SART1: variants seen among roughly 807,000 people sequenced by gnomAD.
SART1 encodes spliceosome associated factor 1, recruiter of U4/U6.U5 tri-snRNP.
A neutral mutation model predicts 105.0 loss-of-function variants in SART1; 28 were observed. The observed-to-expected ratio is 0.27, with a 90% CI of 0.20 to 0.37. SART1 has a LOEUF of 0.37. SART1 is among the 10% of genes least tolerant of loss of function. The pLI, the probability that SART1 is intolerant of heterozygous loss-of-function variation, is 1.00. For synonymous variants in SART1, 472 were observed against 462.9 expected, an observed-to-expected ratio of 1.02 and a Z score of -0.25; for missense variants, 894 against 1,106.5, an observed-to-expected ratio of 0.81 and a Z score of 2.72.
At chr11:65,973,315 A>G (rs1029936376) in intron 12 of SART1, among the ~76,000 whole-genome samples, 8 of 152,128 alleles carry the variant, frequency 5.3e-5, no homozygotes, top group African/African-American at 1.4e-4. Flanking sequence ...TCAAGAGTAT[A>G]CAAACAGACA....
rs1169321225 is a variant in SART1 at position 65,966,238 on chromosome 11, G to A, written c.981+20G>A. 1 of 1,613,920 alleles carries A rather than the reference G, an allele frequency of 6.2e-7. No individual in the cohort carries two copies. Among genetic ancestry groups the A allele is most frequent in the East Asian group, 2.2e-5 (1 of 44,878 alleles). ...GCGCAGGCACGGCCTGGGCAGGCTG[G>A]GTGGCGGGGGCTGAGGTGGAGAATG... On this transcript the variant is annotated intron_variant, in intron 8 of 19. Transcript: ENST00000312397.
chr11:65,966,041 A>G (rs1156615915), intron 7 of SART1, 35 bp from the exon 8 acceptor site: 4 of 1,613,866 alleles, frequency 2.5e-6, no homozygotes, highest in Non-Finnish European at 3.4e-6. Flanking sequence ...AGTTGCGGAC[A>G]AGTGTGAATG....
intron 12 of SART1, among the ~76,000 whole-genome samples, 187 bp downstream of exon 12, chr11:65,968,008 G>C (rs1252351772): frequency 6.7e-6 from 1 of 150,204 alleles, no homozygotes; most frequent in Admixed American, 6.6e-5. Context: ...GGAATGCAGT[G>C]GCGCAGCCTC....
intron 12 of SART1, among the ~76,000 whole-genome samples, chr11:65,969,131 A>T (rs1855319386): frequency 6.6e-6 from 1 of 152,104 alleles, no homozygotes; most frequent in Non-Finnish European, 1.5e-5. Context: ...TGAACCCGGG[A>T]CGGAGGCCAG....
chr11:65,967,409 G>A (rs779737046), intron 10 of SART1, 26 bp downstream of exon 10: 19 of 1,613,782 alleles, frequency 1.2e-5, no homozygotes, highest in Admixed American at 3.3e-5. Flanking sequence ...GTGGTGGGGC[G>A]AGATGGCTGG....
At chr11:65,969,043 A>T (rs994107539) in intron 12 of SART1, among the ~76,000 whole-genome samples, 3 of 152,158 alleles carry the variant, frequency 2.0e-5, no homozygotes, top group African/African-American at 7.2e-5. Context: ...GAAGCTTCTG[A>T]TACTACTGGG....
chr11:65,966,973 C>T (rs186949347), intron 9 of SART1, among the ~76,000 whole-genome samples: 1 of 152,236 alleles, frequency 6.6e-6, no homozygotes, highest in Non-Finnish European at 1.5e-5. Flanking sequence ...GCGCGGTAGG[C>T]GTCTTCCTCA....
chr11:65,975,392 C>T (rs1258461152), intron 12 of SART1, among the ~76,000 whole-genome samples: 1 of 149,800 alleles, frequency 6.7e-6, no homozygotes, highest in African/African-American at 2.5e-5. Context: ...TGTGAGCAAC[C>T]ACCCGGCCCC....
chr11:65,978,709 T>TG lies in SART1; in HGVS notation c.2262+26dup, dbSNP rs766952326. On this transcript the variant is annotated intron_variant, in intron 18 of 19. Coordinates refer to ENST00000312397, the MANE Select transcript of SART1 (RefSeq NM_005146.5). The surrounding 1 kb of genome is among the most constrained non-coding windows in gnomAD (Gnocchi z 6.8). Reference sequence around the variant, plus strand: ...GAGGCGGTGGGTGCCCTTGGGGATGTGGGGGGCCCTGTGCCTGCCGGGGCA... The same window carrying TG: ...GAGGCGGTGGGTGCCCTTGGGGATGTGGGGGGGCCCTGTGCCTGCCGGGGCA... 5 of 1,612,944 alleles carry TG rather than the reference T, an allele frequency of 3.1e-6. No homozygotes were observed. The African/African-American group carries it at 5.3e-5, about 17-fold the overall frequency.
intron 3 of SART1, 49 bp downstream of exon 3, chr11:65,964,619 G>A (rs1417517584): frequency 1.3e-6 from 2 of 1,569,712 alleles, no homozygotes; most frequent in Non-Finnish European, 1.7e-6. Flanking sequence ...GCCATCTGAA[G>A]GGGTCTTTGA....
chr11:65,977,107 G>A lies in SART1; in HGVS notation c.1945+6G>A, dbSNP rs745951916. 8 of 1,610,870 alleles carry A rather than the reference G, an allele frequency of 5.0e-6. No individual in the cohort carries two copies. The South Asian group carries it at 6.6e-5, about 13-fold the overall frequency. ...GCTCCTGTGTCAGAACAAAGGTAGG[G>A]AGCTCAGGGCAGCCATGACTTGGGT... On this transcript the variant is annotated splice_donor_region_variant and intron_variant, in intron 15 of 19. Coordinates refer to ENST00000312397, the MANE Select transcript of SART1 (RefSeq NM_005146.5).
chr11:65,968,006 G>C (rs1236351659), intron 12 of SART1, among the ~76,000 whole-genome samples, 185 bp downstream of exon 12: 3 of 144,210 alleles, frequency 2.1e-5, no homozygotes, highest in Non-Finnish European at 4.5e-5. Context: ...CTGGAATGCA[G>C]TGGCGCAGCC....
chr11:65,978,056 C>T lies in SART1; in HGVS notation c.2172+157C>T, dbSNP rs1445327916. ...ATGCCACGGATGGGGAGGGGGCCCT[C>T]AGGGCTGAGGAAGGCTGTGCCTCAG... is the stretch of plus-strand genomic sequence containing the variant. On this transcript the variant is annotated intron_variant, in intron 17 of 19. Transcript: ENST00000312397. The surrounding 1 kb of genome is among the most constrained non-coding windows in gnomAD (Gnocchi z 6.8). 1.3e-6 allele frequency: 1 copy of T among 755,274 alleles called. No homozygotes were observed. The highest frequency in any genetic ancestry group is 1.8e-5 in the African/African-American group (1 of 56,412). The allele number at this position is 755,274 out of a possible 1,614,324, so 46.8% of individuals were successfully genotyped here.
chr11:65,965,795 G>T lies in SART1; in HGVS notation c.738+16G>T, dbSNP rs557368285. On this transcript the variant is annotated intron_variant, in intron 6 of 19. Coordinates refer to ENST00000312397, the MANE Select transcript of SART1 (RefSeq NM_005146.5). ...GAGGCGGCAGGTGAGGCTGCAGCAG[G>T]GGTGGTACAGGGGACACTGGTGGCC... is the stretch of plus-strand genomic sequence containing the variant. 4.3e-6 allele frequency: 7 copies of T among 1,613,922 alleles called. No individual in the cohort carries two copies. The East Asian group carries it at 1.1e-4, about 26-fold the overall frequency.
chr11:65,965,844 G>A, intron 6 of SART1, 43 bp from the exon 7 acceptor site: 1 of 1,613,570 alleles, frequency 6.2e-7, no homozygotes, highest in Non-Finnish European at 8.5e-7. Context: ...CCCGAGGTTG[G>A]GTGCGTGGAG....
Position 65,962,039 on chromosome 11 carries a change from G to T in SART1, c.259G>T (p.Glu87Ter). ...STHGRERSQA[E>*]PSERRVKREK... Reference sequence around the variant, plus strand: ...GCACGGGCGGGAGCGCAGCCAGGCAGAGCCCTCCGAGCGGCGCGTGAAGCG... The same window carrying T: ...GCACGGGCGGGAGCGCAGCCAGGCATAGCCCTCCGAGCGGCGCGTGAAGCG... The change falls in exon 1 of 20, where the codon GAG becomes TAG. Residue 87 changes from glutamate (E) to a stop codon, truncating the protein, a stop_gained. Coordinates refer to ENST00000312397, the MANE Select transcript of SART1 (RefSeq NM_005146.5). LOFTEE classifies it high-confidence loss of function. 1 of 1,493,108 alleles carries T rather than the reference G, an allele frequency of 6.7e-7. No individual in the cohort carries two copies. The highest frequency in any genetic ancestry group is 8.9e-7 in the Non-Finnish European group (1 of 1,126,748). The allele number at this position is 1,493,108 out of a possible 1,614,324, so 92.5% of individuals were successfully genotyped here. A position where few individuals can be genotyped will look rare whatever the true frequency, so the allele number is the denominator to read the frequency against.
In SART1 at chr11:65,976,579, G is replaced by A; in HGVS notation, c.1746+11G>A. The A allele has an allele frequency of 6.2e-7, 1 of 1,613,304 alleles. No individual in the cohort carries two copies. Among genetic ancestry groups the A allele is most frequent in the African/African-American group, 1.3e-5 (1 of 75,062 alleles). On this transcript the variant is annotated intron_variant, in intron 13 of 19. Transcript: ENST00000312397. The surrounding 1 kb of genome is among the most constrained non-coding windows in gnomAD (Gnocchi z 5.1). ...CAGGAGGAGCTCATGGTGCGTCTGG[G>A]GCGGCCCCGCCCTCTGCTTCCCTCG...
chr11:65,972,199 A>G (rs925049434), intron 12 of SART1, among the ~76,000 whole-genome samples: 3 of 152,166 alleles, frequency 2.0e-5, no homozygotes, highest in East Asian at 3.8e-4. Context: ...CTGGAAAATG[A>G]TTCTGAAATT....
chr11:65,973,893 A>G (rs893374827), intron 12 of SART1, among the ~76,000 whole-genome samples: 2 of 152,166 alleles, frequency 1.3e-5, no homozygotes, highest in African/African-American at 4.8e-5. Flanking sequence ...AGAATAATTA[A>G]TACACAACAA....
Sources: gnomAD v4.1 joint callset for allele counts (sites outside exome capture counted in the v4.1 genomes callset) on GRCh38, gnomAD v4.1.1 for gene constraint, Gnocchi (gnomAD v3.1) non-coding constraint, MANE v1.5 for transcripts, NCBI Gene and HGNC (gene_info 2026-07-23, HGNC 2026-07-21) for gene names.